DLGAP2: variants seen among roughly 807,000 people sequenced by gnomAD.
The protein encoded by DLGAP2 is disks large-associated protein 2.
DLGAP2 carries 26 observed loss-of-function variants against 100.3 expected under a neutral mutation model. That is an observed-to-expected ratio of 0.26 (90% CI 0.19 to 0.36). The LOEUF (loss-of-function observed/expected upper bound fraction) is 0.36. Ranked by LOEUF, DLGAP2 falls within the 10% of genes least tolerant of loss-of-function variation. The pLI is 1.00. For missense variants in DLGAP2, 1,858 were observed against 1,453.2 expected (o/e 1.28, Z -4.53); for synonymous variants, 886 against 630.1 (o/e 1.41, Z -6.08).
intron 1 of DLGAP2, among the ~76,000 whole-genome samples, chr8:779,312 A>T (rs77164335): frequency 6.6e-6 from 1 of 152,102 alleles, no homozygotes; most frequent in Non-Finnish European, 1.5e-5. Context: ...TGCCTTGCTC[A>T]TGCTGGGAGC....
chr8:1,646,458 C>A (rs1046465954), intron 8 of DLGAP2, among the ~76,000 whole-genome samples: 6 of 152,176 alleles, frequency 3.9e-5, no homozygotes, highest in African/African-American at 9.7e-5. Flanking sequence ...ATCCATCCCA[C>A]CCATGTTCCA....
At chr8:1,333,833 A>G (rs949833249) in intron 3 of DLGAP2, among the ~76,000 whole-genome samples, 1 of 152,256 alleles carries the variant, frequency 6.6e-6, no homozygotes, top group Non-Finnish European at 1.5e-5. Flanking sequence ...CTAGCAGAGC[A>G]GGTGGAACAG....
intron 2 of DLGAP2, among the ~76,000 whole-genome samples, chr8:1,114,343 T>C (rs1805051967): frequency 6.6e-6 from 1 of 152,180 alleles, no homozygotes; most frequent in Non-Finnish European, 1.5e-5. Context: ...TTTTTTTGGT[T>C]GATAAACTAT....
intron 2 of DLGAP2, among the ~76,000 whole-genome samples, chr8:1,187,466 G>A (rs1206930980): frequency 4.5e-5 from 6 of 133,074 alleles, no homozygotes; most frequent in African/African-American, 1.9e-4. Flanking sequence ...CGGGACCTCC[G>A]TGACATTTGC....
chr8:1,551,127 G>A (rs1801751913), intron 5 of DLGAP2, among the ~76,000 whole-genome samples: 1 of 152,256 alleles, frequency 6.6e-6, no homozygotes, highest in African/African-American at 2.4e-5. Flanking sequence ...AATTGCCTTT[G>A]CAGGCAGATT....
intron 3 of DLGAP2, among the ~76,000 whole-genome samples, chr8:1,420,210 G>C (rs1797050702): frequency 6.6e-6 from 1 of 152,134 alleles, no homozygotes; most frequent in Non-Finnish European, 1.5e-5. Flanking sequence ...TCCAGCTTGA[G>C]TCTCTGCATC....
intron 1 of DLGAP2, among the ~76,000 whole-genome samples, chr8:806,929 T>C (rs1398619866): frequency 6.6e-6 from 1 of 152,180 alleles, no homozygotes; most frequent in African/African-American, 2.4e-5. Flanking sequence ...ATAACCGCAC[T>C]GTGTGGCTGG....
chr8:1,246,154 T>C (rs977980818), intron 2 of DLGAP2, among the ~76,000 whole-genome samples: 6 of 152,220 alleles, frequency 3.9e-5, no homozygotes, highest in Admixed American at 3.9e-4. Flanking sequence ...GAATGCTTTG[T>C]AATTACTCCA....
chr8:1,639,552 G>A (rs1797847725), intron 8 of DLGAP2, among the ~76,000 whole-genome samples: 1 of 152,248 alleles, frequency 6.6e-6, no homozygotes, highest in African/African-American at 2.4e-5. Context: ...GGTCCTCCCA[G>A]AGACGGGCCT....
In DLGAP2 at chr8:1,701,394, G is replaced by C. The variant is rs1198783705; in HGVS notation, c.3156G>C (p.Gln1052His). The C allele has an allele frequency of 2.5e-6, 4 of 1,592,068 alleles. No homozygotes were observed. The highest frequency in any genetic ancestry group is 3.4e-6 in the Non-Finnish European group (4 of 1,170,134). Residue 1052 changes from glutamine to histidine, a missense_variant, in exon 15 of 15, where the codon CAG (glutamine) becomes CAC (histidine). Physicochemically the swap from Gln to His is conservative, Grantham distance 24. Transcript: ENST00000637795. ...TCGAGATCTACATCCCCGAGGCCCAGACCCGGCTCTGAGGGCGGAGGCCGG... is the reference window on the plus strand; with the variant it reads ...TCGAGATCTACATCCCCGAGGCCCACACCCGGCTCTGAGGGCGGAGGCCGG... Reference protein sequence around the residue: ...DSIEIYIPEAQTRL With the variant: ...DSIEIYIPEAHTRL
intron 2 of DLGAP2, among the ~76,000 whole-genome samples, chr8:1,216,883 A>T (rs78742572): frequency 0.019 from 2,929 of 152,272 alleles, 47 homozygotes; most frequent in Non-Finnish European, 0.03. Flanking sequence ...GGTAAATATG[A>T]GGTGTTTAAT....
At chr8:915,751 A>ACCCGTCTGTCCATCTGTCCC (rs1365231669) in intron 2 of DLGAP2, among the ~76,000 whole-genome samples, 16 of 152,048 alleles carry the variant, frequency 1.1e-4, no homozygotes, top group African/African-American at 3.6e-4. Context: ...CCGTCAGTTC[A>ACCCGTCTGTCCATCTGTCCC]CCCGTCTGTC....
At chr8:1,073,378 C>A (rs1803493675) in intron 2 of DLGAP2, among the ~76,000 whole-genome samples, 1 of 152,090 alleles carries the variant, frequency 6.6e-6, no homozygotes, top group South Asian at 2.1e-4. Context: ...AAGAAATAGT[C>A]ACTCTGAAAT....
chr8:1,392,886 T>G, intron 3 of DLGAP2, among the ~76,000 whole-genome samples: 1 of 137,362 alleles, frequency 7.3e-6, no homozygotes, highest in South Asian at 2.5e-4. Flanking sequence ...ATGTGACGTT[T>G]CTGTTTTTTT....
intron 3 of DLGAP2, among the ~76,000 whole-genome samples, chr8:1,344,737 C>T (rs938874770): frequency 9.2e-5 from 14 of 152,182 alleles, no homozygotes; most frequent in Non-Finnish European, 2.1e-4. Context: ...ACGCTGTGCT[C>T]GGCTCCATTT....
intron 1 of DLGAP2, among the ~76,000 whole-genome samples, chr8:856,124 G>A (rs1797271224): frequency 6.7e-6 from 1 of 149,902 alleles, no homozygotes; most frequent in African/African-American, 2.4e-5. Context: ...GTCAACAGAT[G>A]ACATGATTAT....
At chr8:1,601,585 A>G (rs1796625899) in intron 6 of DLGAP2, among the ~76,000 whole-genome samples, 1 of 144,094 alleles carries the variant, frequency 6.9e-6, no homozygotes, top group South Asian at 2.3e-4. Flanking sequence ...GAGCAGTTTT[A>G]CAGGCTTTTT....
At chr8:1,515,514 G>T (rs902374576) in intron 4 of DLGAP2, among the ~76,000 whole-genome samples, 7 of 151,322 alleles carry the variant, frequency 4.6e-5, no homozygotes, top group Non-Finnish European at 7.4e-5. Flanking sequence ...ACACACACAG[G>T]TGCATGCACA....
intron 1 of DLGAP2, among the ~76,000 whole-genome samples, chr8:859,367 C>T (rs900607818): frequency 6.6e-6 from 1 of 152,212 alleles, no homozygotes; most frequent in African/African-American, 2.4e-5. Flanking sequence ...CTGCCTTGGC[C>T]TCCCAAAGGG....
Sources: gnomAD v4.1 joint callset for allele counts (sites outside exome capture counted in the v4.1 genomes callset) on GRCh38, gnomAD v4.1.1 for gene constraint, MANE v1.5 for transcripts, NCBI Gene and HGNC (gene_info 2026-07-23, HGNC 2026-07-21) for gene names.